Variants in SLC8A2 observed in about 807,000 individuals in gnomAD.
SLC8A2 encodes solute carrier family 8 member A2, also known as sodium/calcium exchanger 2.
In SLC8A2, 14 loss-of-function variants were observed where a neutral mutation model predicts 70.2. The ratio of observed to expected loss-of-function variants is 0.20; its 90% CI spans 0.13 to 0.31. The LOEUF (loss-of-function observed/expected upper bound fraction) is 0.31, where lower values mean the gene tolerates loss of function less well. SLC8A2 is among the 10% of genes least tolerant of loss of function. The pLI is 1.00. For synonymous variants in SLC8A2, 575 were observed against 594.3 expected (o/e 0.97, Z 0.47); for missense variants, 779 against 1,320.1 (o/e 0.59, Z 6.35).
intron 3 of SLC8A2, among the ~76,000 whole-genome samples, chr19:47,452,989 T>A (rs1967263165): frequency 6.6e-6 from 1 of 152,076 alleles, no homozygotes; most frequent in Non-Finnish European, 1.5e-5. Context: ...GCCGAGATCG[T>A]GCCACTGCAC....
chr19:47,456,903 G>A, intron 3 of SLC8A2, 27 bp downstream of exon 3: 1 of 1,558,174 alleles, frequency 6.4e-7, no homozygotes, highest in Admixed American at 1.9e-5. Context: ...CCAGCCCCCT[G>A]CACACCCCCC....
intron 3 of SLC8A2, among the ~76,000 whole-genome samples, chr19:47,456,190 T>A (rs1215892663): frequency 1.3e-5 from 2 of 152,176 alleles, no homozygotes; most frequent in Non-Finnish European, 2.9e-5. Flanking sequence ...TAAAACAGTG[T>A]GGCACCAGCA....
At chr19:47,464,778 C>T (rs1599860164) in intron 2 of SLC8A2, among the ~76,000 whole-genome samples, 1 of 152,310 alleles carries the variant, frequency 6.6e-6, no homozygotes, top group South Asian at 2.1e-4. Flanking sequence ...ATGTGTGTGA[C>T]TGAATTAGGC....
At chr19:47,438,599 C>T (rs1449586855) in intron 6 of SLC8A2, among the ~76,000 whole-genome samples, 1 of 152,036 alleles carries the variant, frequency 6.6e-6, no homozygotes, top group Non-Finnish European at 1.5e-5. Flanking sequence ...ACCCCTGACT[C>T]CAAGCCCAGC....
intron 3 of SLC8A2, among the ~76,000 whole-genome samples, chr19:47,450,768 A>T (rs1967224368): frequency 6.6e-6 from 1 of 152,024 alleles, no homozygotes; most frequent in Non-Finnish European, 1.5e-5. Context: ...GGCGGTCAGG[A>T]TTCTGCAGTC....
Position 47,466,657 on chromosome 19 carries a change from G to A in SLC8A2, c.-16-238C>T, listed in dbSNP as rs1967466321. Among the ~76,000 whole-genome samples, 3 of 152,092 alleles carry A rather than the reference G, an allele frequency of 2.0e-5. No homozygotes were observed. In the South Asian group the frequency reaches 6.2e-4, roughly 32 times the overall value. ...GCACTGCTGGTGGGAATGCAAATTG[G>A]TCTATGCACTTTGGGCAACTACAGC... On this transcript the variant is annotated intron_variant, in intron 1 of 9. Coordinates refer to ENST00000236877, the MANE Select transcript of SLC8A2 (RefSeq NM_015063.3). The surrounding 1 kb of genome is among the most constrained non-coding windows in gnomAD (Gnocchi z 6.9).
intron 4 of SLC8A2, among the ~76,000 whole-genome samples, chr19:47,442,826 G>A (rs536040206): frequency 6.6e-6 from 1 of 152,240 alleles, no homozygotes; most frequent in Admixed American, 6.5e-5. Context: ...TGGGACTACA[G>A]GTATACACTA....
At chr19:47,445,250 A>G (rs1435868776) in intron 4 of SLC8A2, among the ~76,000 whole-genome samples, 2 of 152,174 alleles carry the variant, frequency 1.3e-5, no homozygotes, top group Non-Finnish European at 2.9e-5. Flanking sequence ...CTGGGATTAC[A>G]GGTGCATGCC....
At chr19:47,469,516 C>T (rs1967506632) in intron 1 of SLC8A2, among the ~76,000 whole-genome samples, 1 of 152,186 alleles carries the variant, frequency 6.6e-6, no homozygotes, top group South Asian at 2.1e-4. Context: ...TTCTCATGTC[C>T]ACCCTCCTAG....
chr19:47,471,721 C>T (rs1479851383), intron 1 of SLC8A2, 68 bp downstream of exon 1: 1 of 152,268 alleles, frequency 6.6e-6, no homozygotes, highest in Non-Finnish European at 1.5e-5. Context: ...GAACCGCCCC[C>T]ACTCCGCACC....
Position 47,432,415 on chromosome 19 carries a change from C to T in SLC8A2, c.2141G>A (p.Arg714Gln), listed in dbSNP as rs1196152131. The stretch of plus-strand genomic sequence containing the variant: ...AAAGCACGACGGCAGCCGCTCCTCC[C>T]GGGACCCGTCCTCCTCCTCCTCCTC... Reference protein sequence around the residue: ...GDEEEEEDGSREERLPSCFDY... With the variant: ...GDEEEEEDGSQEERLPSCFDY... Residue 714 changes from arginine to glutamine, a missense_variant, in exon 9 of 10, where the codon CGG becomes CAG. Around this residue, in one of 6 missense-constraint regions of SLC8A2, gnomAD observed 247 missense variants for 362.8 expected, o/e 0.68. Transcript: ENST00000236877. The surrounding 1 kb of genome is among the most constrained non-coding windows in gnomAD (Gnocchi z 6.2). The T allele has an allele frequency of 3.3e-5, 53 of 1,606,866 alleles. No individual in the cohort carries two copies. The highest frequency in any genetic ancestry group is 4.2e-5 in the Non-Finnish European group (49 of 1,176,282).
intron 3 of SLC8A2, among the ~76,000 whole-genome samples, chr19:47,451,005 C>CTTTTTTTT (rs71180844): frequency 2.5e-5 from 2 of 80,218 alleles, no homozygotes; most frequent in African/African-American, 4.3e-5. Flanking sequence ...GTAGCACTAT[C>CTTTTTTTT]TTTTTTTTTT....
chr19:47,440,167 C>T (rs1267263714), intron 6 of SLC8A2, among the ~76,000 whole-genome samples: 3 of 152,268 alleles, frequency 2.0e-5, no homozygotes, highest in Admixed American at 1.3e-4. Context: ...AATCTCTGAC[C>T]TTGGCCCCAA....
At chr19:47,441,102 G>T in intron 6 of SLC8A2, 67 bp downstream of exon 6, 1 of 1,493,686 alleles carries the variant, frequency 6.7e-7, no homozygotes, top group Non-Finnish European at 9.3e-7. Context: ...TTTGGGGCTG[G>T]GACCCTCCCC....
At chr19:47,461,863 C>G (rs1568447297) in intron 2 of SLC8A2, among the ~76,000 whole-genome samples, 1 of 152,124 alleles carries the variant, frequency 6.6e-6, no homozygotes, top group Non-Finnish European at 1.5e-5. Context: ...CTAGAGCACC[C>G]ACTAAGAATG....
chr19:47,457,328 C>T lies in SLC8A2; in HGVS notation c.942G>A (p.Glu314=), dbSNP rs1204301539. The T allele has an allele frequency of 1.9e-6, 3 of 1,542,588 alleles. No homozygotes were observed. The highest frequency in any genetic ancestry group is 4.0e-5 in the Admixed American group (2 of 50,186). ...EARELDASRR[E]VIQILKDLKQ... is the part of the protein sequence containing the mutation. ...TGAGGTCCTTGAGGATCTGGATGAC[C>T]TCGCGGCGGCTGGCGTCCAGCTCGC... Residue 314 remains glutamate, a synonymous_variant, in exon 3 of 10, where the codon GAG becomes GAA. Transcript: ENST00000236877.
At position 47,457,184 on chromosome 19, in the gene SLC8A2, G is replaced by C; in HGVS notation, c.1086C>G (p.Thr362=). 6.5e-7 allele frequency: 1 copy of C among 1,544,684 alleles called. No individual in the cohort carries two copies. Among genetic ancestry groups the C allele is most frequent in the South Asian group, 1.2e-5 (1 of 83,336 alleles). ...GTCTGCGCAGCACGTTCCCGGCGCCGGTCATCAGCCGCGTGGCCTGGATGC... is the reference window on the plus strand; with the variant it reads ...GTCTGCGCAGCACGTTCCCGGCGCCCGTCATCAGCCGCGTGGCCTGGATGC... The part of the protein sequence containing the change: ...FYRIQATRLM[T]GAGNVLRRHA... The change falls in exon 3 of 10, where the codon ACC becomes ACG. Residue 362 remains threonine, a synonymous_variant. Coordinates refer to ENST00000236877, the MANE Select transcript of SLC8A2 (RefSeq NM_015063.3).
rs1422029455 is a variant in SLC8A2 at position 47,447,652 on chromosome 19, T to G, written c.1763+157A>C. On this transcript the variant is annotated intron_variant, in intron 4 of 9. Coordinates refer to ENST00000236877, the MANE Select transcript of SLC8A2 (RefSeq NM_015063.3). This position sits in a 1 kb window ranked among gnomAD's most constrained non-coding sequence, Gnocchi z 5.1. ...GCATGGGTCACAGGCCCCGCCCACG[T>G]TGCGGGCACGGCCACGCAGGCCCCT... 6 of 635,226 alleles carry G rather than the reference T, an allele frequency of 9.4e-6. No homozygotes were observed. Among genetic ancestry groups the G allele is most frequent in the Non-Finnish European group, 1.5e-5 (6 of 404,856 alleles). 39.3% of individuals were successfully genotyped at this position (635,226 alleles called of 1,614,324 possible).
chr19:47,452,443 AGAGTGTGTGTGTGTGTGTGT>A (rs1967254282), intron 3 of SLC8A2, among the ~76,000 whole-genome samples: 2 of 55,728 alleles, frequency 3.6e-5, no homozygotes, highest in East Asian at 5.2e-4. Context: ...AGAGAGAGAG[AGAGTGTGTGTGTGTGTGTGT>A]GTGTGTGTGT....
Sources: gnomAD v4.1 joint callset for allele counts (sites outside exome capture counted in the v4.1 genomes callset) on GRCh38, gnomAD v4.1.1 for gene constraint, gnomAD v4.1.1 regional missense constraint, Gnocchi (gnomAD v3.1) non-coding constraint, MANE v1.5 for transcripts, NCBI Gene and HGNC (gene_info 2026-07-23, HGNC 2026-07-21) for gene names.